Variants in FSTL5 observed in about 807,000 individuals in gnomAD.
FSTL5 encodes follistatin like 5, also known as follistatin-related protein 5.
In FSTL5, 62 loss-of-function variants were observed where a neutral mutation model predicts 89.1. The ratio of observed to expected loss-of-function variants is 0.70; its 90% CI spans 0.57 to 0.86. The LOEUF is 0.86. FSTL5 is among the 40% of genes least tolerant of loss of function. The probability of loss-of-function intolerance (pLI) is 0.00; values close to 1 mark genes in which losing one functional copy is unlikely to be tolerated. For synonymous variants in FSTL5, 383 were observed against 346.2 expected (o/e 1.11, Z -1.18); for missense variants, 1,057 against 1,001.6 (o/e 1.06, Z -0.75).
At chr4:161,399,099 T>A (rs538387752) in intron 15 of FSTL5, among the ~76,000 whole-genome samples, 5 of 152,202 alleles carry the variant, frequency 3.3e-5, no homozygotes, top group Admixed American at 3.3e-4. Flanking sequence ...ATAAGCGAAG[T>A]CTGTGCATGG....
At chr4:161,687,682 C>G (rs1199879276) in intron 6 of FSTL5, among the ~76,000 whole-genome samples, 3 of 152,190 alleles carry the variant, frequency 2.0e-5, no homozygotes, top group African/African-American at 7.2e-5. Context: ...TGCTCTTCCA[C>G]TAAGCCATTC....
intron 4 of FSTL5, among the ~76,000 whole-genome samples, chr4:161,848,061 A>C (rs1311179097): frequency 1.3e-5 from 2 of 150,204 alleles, no homozygotes; most frequent in African/African-American, 4.9e-5. Flanking sequence ...AAAAAAAAAA[A>C]ACAAGACATA....
rs369536472 is a variant in FSTL5 at position 161,882,273 on chromosome 4, T to G, written c.409+38131A>C. Among the ~76,000 whole-genome samples the G allele has an allele frequency of 2.9e-4, 44 of 152,276 alleles. No homozygotes were observed. In the East Asian group the frequency reaches 6.4e-3, roughly 22 times the overall value. ...AAGCCAGCAGTAATGGACTTTAAGC[T>G]GATCACCCGTCTAACCTTAAATTGT... On this transcript the variant is annotated intron_variant, in intron 4 of 15. Transcript: ENST00000306100.
intron 4 of FSTL5, among the ~76,000 whole-genome samples, chr4:161,790,811 T>A (rs1374484752): frequency 6.6e-6 from 1 of 152,194 alleles, no homozygotes; most frequent in Non-Finnish European, 1.5e-5. Context: ...TCTTTTTATA[T>A]TTCACTTTTT....
At chr4:161,490,127 C>T (rs1026027031) in intron 12 of FSTL5, among the ~76,000 whole-genome samples, 1 of 152,094 alleles carries the variant, frequency 6.6e-6, no homozygotes, top group African/African-American at 2.4e-5. Flanking sequence ...CTCTGATCCT[C>T]TGAATTTCTA....
At chr4:161,555,642 T>C (rs1451972806) in intron 8 of FSTL5, among the ~76,000 whole-genome samples, 1 of 151,580 alleles carries the variant, frequency 6.6e-6, no homozygotes, top group Non-Finnish European at 1.5e-5. Flanking sequence ...AGGGATAAAA[T>C]ATCCCATTTC....
Position 161,716,899 on chromosome 4 carries a change from G to T in FSTL5, c.727+42512C>A, listed in dbSNP as rs1459948346. Reference sequence around the variant, plus strand: ...CGTTAATTTTATCCAGGTCAGGGCAGAGAGGATAGAGAGAAGTGGTTAGGT... The same window carrying T: ...CGTTAATTTTATCCAGGTCAGGGCATAGAGGATAGAGAGAAGTGGTTAGGT... On this transcript the variant is annotated intron_variant, in intron 6 of 15. Coordinates refer to ENST00000306100, the MANE Select transcript of FSTL5 (RefSeq NM_020116.5). 4.0e-5 allele frequency among the ~76,000 whole-genome samples: 6 copies of T among 151,586 alleles called. 1 individual carries two copies. The highest frequency in any genetic ancestry group is 8.8e-5 in the Non-Finnish European group (6 of 68,038).
intron 15 of FSTL5, among the ~76,000 whole-genome samples, chr4:161,445,335 T>A (rs1478821153): frequency 6.6e-6 from 1 of 151,866 alleles, no homozygotes; most frequent in Non-Finnish European, 1.5e-5. Context: ...TTACTAAAAT[T>A]CGTATTCTTG....
intron 6 of FSTL5, among the ~76,000 whole-genome samples, chr4:161,746,791 A>T: frequency 6.6e-6 from 1 of 152,088 alleles, no homozygotes; most frequent in East Asian, 1.9e-4. Context: ...ATGTTCACTA[A>T]GTTTCAAACT....
chr4:162,146,450 T>A (rs1364960145), intron 1 of FSTL5, among the ~76,000 whole-genome samples: 3 of 143,540 alleles, frequency 2.1e-5, no homozygotes, highest in African/African-American at 7.6e-5. Context: ...ACTCATTTTT[T>A]AAATTTTATA....
At chr4:162,136,297 T>G (rs1339982666) in intron 1 of FSTL5, among the ~76,000 whole-genome samples, 1 of 152,084 alleles carries the variant, frequency 6.6e-6, no homozygotes, top group Non-Finnish European at 1.5e-5. Flanking sequence ...GGCAAGACTG[T>G]AAGGGATGAT....
chr4:161,832,149 G>C (rs1369833948), intron 4 of FSTL5, among the ~76,000 whole-genome samples: 1 of 152,042 alleles, frequency 6.6e-6, no homozygotes, highest in African/African-American at 2.4e-5. Context: ...ATATTTATAA[G>C]ACTTAAGGAC....
At chr4:162,133,097 C>G (rs1400322161) in intron 1 of FSTL5, among the ~76,000 whole-genome samples, 3 of 152,194 alleles carry the variant, frequency 2.0e-5, no homozygotes, top group African/African-American at 7.2e-5. Flanking sequence ...CAGGCGCCCA[C>G]CGCCATGCCT....
At chr4:162,117,662 C>G (rs1731693502) in intron 1 of FSTL5, among the ~76,000 whole-genome samples, 1 of 152,044 alleles carries the variant, frequency 6.6e-6, no homozygotes, top group African/African-American at 2.4e-5. Context: ...AAATTTTATT[C>G]AAATGAAATG....
At chr4:161,692,342 G>GTC (rs764781257) in intron 6 of FSTL5, among the ~76,000 whole-genome samples, 3 of 1,002 alleles carry the variant, frequency 3.0e-3, no homozygotes, top group East Asian at 0.33. Context: ...TATGGAGATC[G>GTC]TGTGTGTGTG....
chr4:161,587,211 A>T (rs1406709710), intron 8 of FSTL5, among the ~76,000 whole-genome samples: 1 of 152,024 alleles, frequency 6.6e-6, no homozygotes, highest in East Asian at 1.9e-4. Flanking sequence ...CTTGTGTTCT[A>T]ATTTTCCAAT....
At position 161,613,132 on chromosome 4, in the gene FSTL5, G is replaced by A. The variant is rs903083667; in HGVS notation, c.895-25557C>T. 5.3e-5 allele frequency among the ~76,000 whole-genome samples: 8 copies of A among 151,996 alleles called. No individual in the cohort carries two copies. The East Asian group carries it at 7.7e-4, about 15-fold the overall frequency. On this transcript the variant is annotated intron_variant, in intron 7 of 15. Transcript: ENST00000306100. ...CTAATACATGATAATTCACTAATGC[G>A]GCACCTCACATAATGCTTCCAACAT...
chr4:162,160,503 A>T (rs1238712776), intron 1 of FSTL5, among the ~76,000 whole-genome samples: 3 of 151,728 alleles, frequency 2.0e-5, no homozygotes, highest in Non-Finnish European at 4.4e-5. Flanking sequence ...ATTTTTTTCT[A>T]GTTTATTAGT....
chr4:161,612,940 C>CTT (rs11302016), intron 7 of FSTL5, among the ~76,000 whole-genome samples: 2 of 150,580 alleles, frequency 1.3e-5, no homozygotes, highest in Non-Finnish European at 3.0e-5. Context: ...TATTAGTGCT[C>CTT]TTTTTTTTTT....
Sources: allele counts gnomAD v4.1 joint callset (sites outside exome capture counted in the v4.1 genomes callset), GRCh38; gene constraint gnomAD v4.1.1; transcripts MANE v1.5; gene names NCBI Gene and HGNC (gene_info 2026-07-23, HGNC 2026-07-21).